CALN1: variants seen among roughly 807,000 people sequenced by gnomAD.
CALN1 encodes the protein calcium-binding protein 8.
In CALN1, 17 loss-of-function variants were observed where a neutral mutation model predicts 30.6. The ratio of observed to expected loss-of-function variants is 0.56; its 90% CI spans 0.38 to 0.83. The LOEUF (loss-of-function observed/expected upper bound fraction) is 0.83. CALN1 is among the 40% of genes least tolerant of loss of function. The pLI, the probability that CALN1 is intolerant of heterozygous loss-of-function variation, is 0.00. For missense variants in CALN1, 291 were observed against 354.9 expected (o/e 0.82, Z 1.45); for synonymous variants, 156 against 131.4 (o/e 1.19, Z -1.28).
chr7:72,221,647 C>G (rs1415992739), intron 3 of CALN1, among the ~76,000 whole-genome samples: 1 of 152,048 alleles, frequency 6.6e-6, no homozygotes, highest in Admixed American at 6.6e-5. Flanking sequence ...TCGCAGTACT[C>G]TGGAAGGCGA....
At chr7:72,366,144 ATC>A (rs1230369074) in intron 2 of CALN1, among the ~76,000 whole-genome samples, 1 of 130,638 alleles carries the variant, frequency 7.7e-6, no homozygotes, top group Non-Finnish European at 1.9e-5. Context: ...ACTATTTTTT[ATC>A]TTTTTTATTT....
intron 3 of CALN1, among the ~76,000 whole-genome samples, chr7:72,116,645 T>G (rs1808005261): frequency 6.6e-6 from 1 of 152,134 alleles, no homozygotes; most frequent in East Asian, 1.9e-4. Context: ...TAGCTGCAAG[T>G]ATTAATCTGG....
At chr7:72,023,467 AAAATG>A (rs1239070891) in intron 5 of CALN1, among the ~76,000 whole-genome samples, 185 bp downstream of exon 5, 1 of 152,200 alleles carries the variant, frequency 6.6e-6, no homozygotes, top group Non-Finnish European at 1.5e-5. Context: ...CTACAAGAAA[AAAATG>A]GGGAGATATT....
chr7:72,033,870 T>A (rs1156835616), intron 4 of CALN1, among the ~76,000 whole-genome samples: 4 of 152,044 alleles, frequency 2.6e-5, no homozygotes, highest in African/African-American at 4.8e-5. Flanking sequence ...TAGAGCTGAC[T>A]GGGGAAAGGG....
intron 4 of CALN1, among the ~76,000 whole-genome samples, chr7:72,090,035 C>T (rs374978864): frequency 9.2e-4 from 140 of 152,278 alleles, no homozygotes; most frequent in African/African-American, 3.2e-3. Flanking sequence ...AATTGGCTCA[C>T]GCCTGTAATC....
chr7:72,223,593 C>A (rs1793459567), intron 3 of CALN1, among the ~76,000 whole-genome samples: 1 of 152,172 alleles, frequency 6.6e-6, no homozygotes, highest in Middle Eastern at 3.2e-3. Context: ...TGGTCCCTCA[C>A]AGGCCCCCAC....
chr7:72,268,889 C>A (rs1252093773), intron 3 of CALN1, among the ~76,000 whole-genome samples: 1 of 152,058 alleles, frequency 6.6e-6, no homozygotes, highest in Admixed American at 6.6e-5. Context: ...AACCCTCCCA[C>A]CATGTGCCAT....
intron 2 of CALN1, among the ~76,000 whole-genome samples, chr7:72,319,041 C>T (rs925540895): frequency 9.2e-5 from 14 of 152,078 alleles, no homozygotes; most frequent in African/African-American, 3.4e-4. Flanking sequence ...GGTATCTACC[C>T]AAAGGAAAAG....
At position 72,273,587 on chromosome 7, in the gene CALN1, T is replaced by C. The variant is rs1234273702; in HGVS notation, c.244+5099A>G. On this transcript the variant is annotated intron_variant, in intron 3 of 6. Transcript: ENST00000395275. ...AAGTGCAAGTGCAGTAGTACAATCA[T>C]AGCTTACAGTAGCCTCAAACTCCTG... Among the ~76,000 whole-genome samples, 7 of 147,186 alleles carry C rather than the reference T, an allele frequency of 4.8e-5. No individual in the cohort carries two copies. In the South Asian group the frequency reaches 9.0e-4, roughly 19 times the overall value.
rs548252639 is a variant in CALN1 at position 71,852,524 on chromosome 7, C to G, written c.502-42032G>C. Among the ~76,000 whole-genome samples, 131 of 150,312 alleles carry G rather than the reference C, an allele frequency of 8.7e-4. 1 individual carries two copies. Among genetic ancestry groups the G allele is most frequent in the African/African-American group, 3.1e-3 (127 of 40,880 alleles). ...CTGAAGTGGGAGGATCCCTTGAGCT[C>G]AGGAGTTTGAGGCTGCAGTGAACCA... On this transcript the variant is annotated intron_variant, in intron 5 of 6. Coordinates refer to ENST00000395275, the MANE Select transcript of CALN1 (RefSeq NM_031468.4).
chr7:71,943,941 T>C (rs939714117), intron 5 of CALN1, among the ~76,000 whole-genome samples: 1 of 152,204 alleles, frequency 6.6e-6, no homozygotes, highest in Non-Finnish European at 1.5e-5. Flanking sequence ...ACAAGGTGTC[T>C]TTCATGGGCT....
upstream of CALN1, among the ~76,000 whole-genome samples, chr7:72,450,151 A>G (rs1290414374): frequency 6.6e-6 from 1 of 152,108 alleles, no homozygotes; most frequent in Non-Finnish European, 1.5e-5. Flanking sequence ...GGTTACCGTG[A>G]GCCACGATGG....
chr7:72,409,612 A>C (rs997683814), intron 1 of CALN1, among the ~76,000 whole-genome samples: 1 of 151,944 alleles, frequency 6.6e-6, no homozygotes, highest in Non-Finnish European at 1.5e-5. Flanking sequence ...TCCCTTTCAA[A>C]GTATCTAAAA....
intron 4 of CALN1, among the ~76,000 whole-genome samples, chr7:72,050,372 G>GA (rs1013018781): frequency 7.9e-5 from 12 of 151,702 alleles, no homozygotes; most frequent in Non-Finnish European, 1.2e-4. Context: ...AATGCTGTAG[G>GA]AAAAAAAGGC....
intron 5 of CALN1, among the ~76,000 whole-genome samples, chr7:71,909,342 G>A (rs1265931438): frequency 2.0e-5 from 3 of 151,962 alleles, no homozygotes; most frequent in Admixed American, 6.6e-5. Flanking sequence ...TTTATTTGTC[G>A]AATGTATTTC....
At chr7:72,197,117 A>G (rs750552899) in intron 3 of CALN1, among the ~76,000 whole-genome samples, 20 of 149,860 alleles carry the variant, frequency 1.3e-4, no homozygotes, top group Non-Finnish European at 2.7e-4. Context: ...CTTATTGCTT[A>G]ATTTGTTTTC....
chr7:72,072,333 T>TATTA (rs1307511357), intron 4 of CALN1, among the ~76,000 whole-genome samples: 1 of 152,130 alleles, frequency 6.6e-6, no homozygotes, highest in Non-Finnish European at 1.5e-5. Flanking sequence ...CCAAAAACTT[T>TATTA]AGAGGCCAGA....
chr7:72,465,119 C>A, the CALN1 span, among the ~76,000 whole-genome samples: 1 of 152,136 alleles, frequency 6.6e-6, no homozygotes, highest in South Asian at 2.1e-4. Context: ...TCTCTCTGCT[C>A]TCTCCAGAAC....
At chr7:72,248,632 C>G (rs1265307224) in intron 3 of CALN1, among the ~76,000 whole-genome samples, 4 of 152,102 alleles carry the variant, frequency 2.6e-5, no homozygotes, top group Non-Finnish European at 5.9e-5. Flanking sequence ...CCCAGATAAC[C>G]TCAAATAATC....
Sources: gnomAD v4.1 joint callset for allele counts (sites outside exome capture counted in the v4.1 genomes callset) on GRCh38, gnomAD v4.1.1 for gene constraint, MANE v1.5 for transcripts, NCBI Gene and HGNC (gene_info 2026-07-23, HGNC 2026-07-21) for gene names.